Variants in UNC13C observed in about 807,000 individuals in gnomAD.
UNC13C encodes the protein unc-13 homolog C.
UNC13C carries 174 observed loss-of-function variants against 245.4 expected under a neutral mutation model. The observed-to-expected ratio is 0.71, with a 90% CI of 0.63 to 0.80. The LOEUF (loss-of-function observed/expected upper bound fraction) is 0.80, where lower values mean the gene tolerates loss of function less well. Ranked by LOEUF, UNC13C falls within the 30% of genes least tolerant of loss-of-function variation. The pLI is 0.00. For synonymous variants in UNC13C, 992 were observed against 895.1 expected, an observed-to-expected ratio of 1.11 and a Z score of -1.93; for missense variants, 2,829 against 2,602.9, an observed-to-expected ratio of 1.09 and a Z score of -1.89.
chr15:54,631,287 C>A (rs975749266), downstream of UNC13C: 2 of 152,182 alleles, frequency 1.3e-5, no homozygotes, highest in Non-Finnish European at 2.9e-5. Flanking sequence ...GCAGAGGTTC[C>A]AGTGAGCCAA....
chr15:54,103,835 C>A (rs1900289924), intron 2 of UNC13C, among the ~76,000 whole-genome samples: 1 of 152,156 alleles, frequency 6.6e-6, no homozygotes, highest in South Asian at 2.1e-4. Context: ...ACTCCACAGT[C>A]CCGGGGTCAA....
intron 4 of UNC13C, among the ~76,000 whole-genome samples, chr15:54,160,887 T>C (rs891938396): frequency 6.6e-6 from 1 of 152,206 alleles, no homozygotes; most frequent in African/African-American, 2.4e-5. Context: ...ATTTTTATGA[T>C]AAAGCTATTT....
rs1331769133 is a variant in UNC13C, at chr15:54,627,132, AATACATAACT to A, written c.*23_*32del. The A allele has an allele frequency of 2.5e-6, 4 of 1,590,764 alleles. No individual in the cohort carries two copies. The highest frequency in any genetic ancestry group is 3.4e-6 in the Non-Finnish European group (4 of 1,168,308). ...TGCTTGAAACAAACACTGCAAGCTA[AATACATAACT>A]ATAATTGTTTGACTACTGCATGCAT... On this transcript the variant is annotated 3_prime_UTR_variant, in exon 33 of 33. Transcript: ENST00000260323.
intron 13 of UNC13C, among the ~76,000 whole-genome samples, chr15:54,314,117 G>A (rs1430350420): frequency 2.0e-5 from 3 of 151,354 alleles, no homozygotes; most frequent in East Asian, 2.0e-4. Flanking sequence ...GAAATAAAGA[G>A]CGGAATGGTG....
rs2035653248 is a variant in UNC13C at position 54,235,027 on chromosome 15, C to G, written c.3072-3C>G. The G allele has an allele frequency of 6.2e-7, 1 of 1,613,276 alleles. No homozygotes were observed. The highest frequency in any genetic ancestry group is 1.3e-5 in the African/African-American group (1 of 74,870). On this transcript the variant is annotated splice_region_variant and splice_polypyrimidine_tract_variant and intron_variant, in intron 4 of 32. Transcript: ENST00000260323. ...CAATTATTGGTTTTATTTTGTCTTT[C>G]AGGGCTGGAGGTGGACTTTATGGTA...
At chr15:53,967,081 C>T in the UNC13C span, among the ~76,000 whole-genome samples, 9 of 151,908 alleles carry the variant, frequency 5.9e-5, no homozygotes, top group African/African-American at 1.2e-4. Flanking sequence ...TTTTCCAATA[C>T]GAATTTGTTA....
rs151020412 is a variant in UNC13C, at chr15:54,039,139, C to G, written c.2983+23253C>G. Among the ~76,000 whole-genome samples, 401 of 152,258 alleles carry G rather than the reference C, an allele frequency of 2.6e-3. 4 individuals are homozygous for G. Among genetic ancestry groups the G allele is most frequent in the Non-Finnish European group, 4.0e-4 (27 of 68,022 alleles). ...CTGCATTCAGATTATTGTTATATAACATTTCTGTCCAGTCTCATCGAGATT... is the reference window on the plus strand; with the variant it reads ...CTGCATTCAGATTATTGTTATATAAGATTTCTGTCCAGTCTCATCGAGATT... On this transcript the variant is annotated intron_variant, in intron 2 of 32. Coordinates refer to ENST00000260323, the MANE Select transcript of UNC13C (RefSeq NM_001080534.3).
At chr15:54,383,899 G>T (rs2039780858) in intron 17 of UNC13C, among the ~76,000 whole-genome samples, 1 of 151,834 alleles carries the variant, frequency 6.6e-6, no homozygotes, top group Non-Finnish European at 1.5e-5. Context: ...AATTAAGAAG[G>T]CAGTCTCATT....
At chr15:53,901,556 A>G in the UNC13C span, among the ~76,000 whole-genome samples, 1 of 152,066 alleles carries the variant, frequency 6.6e-6, no homozygotes, top group Non-Finnish European at 1.5e-5. Flanking sequence ...ATGTGCCATA[A>G]TTTATTTAGT....
At chr15:54,453,814 A>G (rs1891317958) in intron 19 of UNC13C, among the ~76,000 whole-genome samples, 2 of 152,280 alleles carry the variant, frequency 1.3e-5, no homozygotes, top group Non-Finnish European at 2.9e-5. Context: ...ATTATTTTTA[A>G]TGTAGGTGAA....
intron 17 of UNC13C, among the ~76,000 whole-genome samples, chr15:54,340,538 A>G (rs193097994): frequency 5.7e-4 from 87 of 152,246 alleles, no homozygotes; most frequent in African/African-American, 2.0e-3. Context: ...TTTGTTGAAT[A>G]GGGTATTCTT....
chr15:54,560,977 CCAAGACCCCACATACTCTACTG>C (rs1241358908), intron 29 of UNC13C, among the ~76,000 whole-genome samples: 1 of 151,910 alleles, frequency 6.6e-6, no homozygotes, highest in Non-Finnish European at 1.5e-5. Flanking sequence ...ACTCTTAAGC[CCAAGACCCCACATACTCTACTG>C]CAACCAGTGT....
chr15:54,571,659 A>T (rs1897761858), intron 30 of UNC13C, among the ~76,000 whole-genome samples: 1 of 152,210 alleles, frequency 6.6e-6, no homozygotes, highest in South Asian at 2.1e-4. Flanking sequence ...GTATCAGTCA[A>T]ATATAAAGTA....
Position 54,015,040 on chromosome 15 carries a change from G to A in UNC13C, c.2137G>A (p.Asp713Asn), listed in dbSNP as rs111986149. ...TCTTCAAGATGACTCAGAGAGCTAC[G>A]ACTTAACTCAAGATGACAATTCTTC... ...SDLQDDSESY[D>N]LTQDDNSSPC... The change falls in exon 2 of 33, where the codon GAC becomes AAC. Residue 713 changes from aspartate to asparagine, a missense_variant. Transcript: ENST00000260323. The A allele has an allele frequency of 1.4e-4, 223 of 1,613,012 alleles. No individual in the cohort carries two copies. The African/African-American group carries it at 1.7e-3, about 12-fold the overall frequency.
At chr15:54,164,034 A>C (rs977852227) in intron 4 of UNC13C, among the ~76,000 whole-genome samples, 16 of 152,160 alleles carry the variant, frequency 1.1e-4, no homozygotes, top group African/African-American at 3.9e-4. Context: ...TCTTACAGAA[A>C]AAAAGGGTAA....
the UNC13C span, among the ~76,000 whole-genome samples, chr15:53,973,129 C>T: frequency 6.6e-6 from 1 of 151,974 alleles, no homozygotes; most frequent in Non-Finnish European, 1.5e-5. Context: ...AGCATATGGC[C>T]ATACAGGTGG....
At chr15:54,351,222 A>T (rs532926573) in intron 17 of UNC13C, among the ~76,000 whole-genome samples, 1 of 152,152 alleles carries the variant, frequency 6.6e-6, no homozygotes, top group African/African-American at 2.4e-5. Flanking sequence ...GTTCTTGGCT[A>T]CTTCAGAAAA....
chr15:54,237,841 C>G (rs1275647142), intron 7 of UNC13C, among the ~76,000 whole-genome samples, 151 bp downstream of exon 7: 1 of 152,196 alleles, frequency 6.6e-6, no homozygotes, highest in Non-Finnish European at 1.5e-5. Context: ...TCCAAACAAA[C>G]TTCCTCAGGG....
intron 19 of UNC13C, among the ~76,000 whole-genome samples, chr15:54,462,432 T>G (rs2141027376): frequency 6.6e-6 from 1 of 152,144 alleles, no homozygotes; most frequent in East Asian, 1.9e-4. Flanking sequence ...GCTGGCTCCC[T>G]CTGTTTGCAG....
Sources: gnomAD v4.1 joint callset for allele counts (sites outside exome capture counted in the v4.1 genomes callset) on GRCh38, gnomAD v4.1.1 for gene constraint, MANE v1.5 for transcripts, NCBI Gene and HGNC (gene_info 2026-07-23, HGNC 2026-07-21) for gene names.